NXPE2: variants seen among roughly 807,000 people sequenced by gnomAD.
NXPE2 encodes the protein NXPE family member 2.
NXPE2 carries 34 observed loss-of-function variants against 34.4 expected under a neutral mutation model. The ratio of observed to expected loss-of-function variants is 0.99; its 90% CI spans 0.75 to 1.31. The LOEUF (loss-of-function observed/expected upper bound fraction) is 1.31, where lower values mean the gene tolerates loss of function less well. NXPE2 is among the 40% of genes most tolerant of loss of function. The pLI, the probability that NXPE2 is intolerant of heterozygous loss-of-function variation, is 0.00. For synonymous variants in NXPE2, 235 were observed against 231.3 expected (o/e 1.02, Z -0.15); for missense variants, 649 against 672.5 (o/e 0.97, Z 0.39).
chr11:114,747,161 T>A, the NXPE2 span, among the ~76,000 whole-genome samples: 140,858 of 152,218 alleles, frequency 0.93, 66,178 homozygotes, highest in East Asian at 1. Context: ...ATTATACTAC[T>A]GTAATGAACA....
At chr11:114,600,378 C>A in the NXPE2 span, among the ~76,000 whole-genome samples, 1 of 152,024 alleles carries the variant, frequency 6.6e-6, no homozygotes, top group Non-Finnish European at 1.5e-5. Flanking sequence ...CATGAAATGA[C>A]CCATTTTCCT....
rs1186897091 is a variant in NXPE2, at chr11:114,684,305, T to G, written c.132+4543T>G. ...AGCTGGGCGTGGTGGTGGGCGCCTG[T>G]AGTCCCAGCTACTCGGGAGTCTGAG... On this transcript the variant is annotated intron_variant, in intron 2 of 5. Coordinates refer to ENST00000389586, the MANE Select transcript of NXPE2 (RefSeq NM_182495.6). Among the ~76,000 whole-genome samples, 3 of 151,876 alleles carry G rather than the reference T, an allele frequency of 2.0e-5. No individual in the cohort carries two copies. The East Asian group carries it at 5.8e-4, about 29-fold the overall frequency.
chr11:114,603,722 T>G, the NXPE2 span, among the ~76,000 whole-genome samples: 1,544 of 146,912 alleles, frequency 0.011, 22 homozygotes, highest in African/African-American at 0.037. Flanking sequence ...CGTCTCCTAG[T>G]TAACTCCTAT....
the NXPE2 span, among the ~76,000 whole-genome samples, chr11:114,810,486 A>C: frequency 1.3e-5 from 2 of 150,088 alleles, no homozygotes; most frequent in Non-Finnish European, 3.0e-5. Flanking sequence ...AACTCAAACA[A>C]ATTTACAAGA....
chr11:114,495,674 T>G, the NXPE2 span, among the ~76,000 whole-genome samples: 1 of 152,160 alleles, frequency 6.6e-6, no homozygotes, highest in Non-Finnish European at 1.5e-5. Context: ...AAGTGAGTAC[T>G]GCCTGACTAC....
At chr11:114,670,113 A>G in the NXPE2 span, among the ~76,000 whole-genome samples, 1 of 152,066 alleles carries the variant, frequency 6.6e-6, no homozygotes, top group Admixed American at 6.6e-5. Context: ...AAAGGAGTCT[A>G]TATTTAATTT....
chr11:114,733,939 C>A, the NXPE2 span, among the ~76,000 whole-genome samples: 21 of 152,128 alleles, frequency 1.4e-4, no homozygotes, highest in Non-Finnish European at 2.5e-4. Flanking sequence ...CACTGGTGTA[C>A]CTTTTTGTGT....
chr11:114,769,836 A>G, the NXPE2 span, among the ~76,000 whole-genome samples: 1 of 152,208 alleles, frequency 6.6e-6, no homozygotes, highest in Non-Finnish European at 1.5e-5. Flanking sequence ...GGGAAGGGAT[A>G]ACATTAGGAG....
the NXPE2 span, among the ~76,000 whole-genome samples, chr11:114,556,405 T>G: frequency 6.6e-6 from 1 of 152,114 alleles, no homozygotes; most frequent in Non-Finnish European, 1.5e-5. Flanking sequence ...CAGGGATCAG[T>G]CAAAGATTTG....
the NXPE2 span, among the ~76,000 whole-genome samples, chr11:114,784,331 T>G: frequency 1.3e-5 from 2 of 152,184 alleles, no homozygotes; most frequent in Non-Finnish European, 2.9e-5. Context: ...CATTTTTTTT[T>G]CCTTTCCTGG....
the NXPE2 span, among the ~76,000 whole-genome samples, chr11:114,805,000 ATCT>A: frequency 3.9e-5 from 6 of 152,058 alleles, no homozygotes; most frequent in Admixed American, 6.6e-5. Flanking sequence ...GTATATTTCT[ATCT>A]TCTTCTTCTT....
At chr11:114,608,729 G>C in the NXPE2 span, among the ~76,000 whole-genome samples, 3 of 151,594 alleles carry the variant, frequency 2.0e-5, no homozygotes, top group Admixed American at 1.3e-4. Context: ...ACTGCCTCGT[G>C]GGTAACCACT....
chr11:114,689,789 T>A (rs1164319656), intron 2 of NXPE2, among the ~76,000 whole-genome samples: 1 of 152,168 alleles, frequency 6.6e-6, no homozygotes, highest in Non-Finnish European at 1.5e-5. Flanking sequence ...GGTGGATGCA[T>A]ATATATTTAG....
chr11:114,616,811 T>C, the NXPE2 span, among the ~76,000 whole-genome samples: 1 of 151,814 alleles, frequency 6.6e-6, no homozygotes, highest in Non-Finnish European at 1.5e-5. Context: ...ATAATAAGTG[T>C]TGCCTCGTTG....
At chr11:114,490,491 T>C in the NXPE2 span, among the ~76,000 whole-genome samples, 8 of 152,284 alleles carry the variant, frequency 5.3e-5, no homozygotes, top group Middle Eastern at 3.4e-3. Flanking sequence ...ATGGTACTGA[T>C]ACCAAAACAG....
the NXPE2 span, chr11:114,584,202 A>G: frequency 2.7e-6 from 1 of 366,148 alleles, no homozygotes; most frequent in East Asian, 7.9e-5. Flanking sequence ...AATAAGAAAG[A>G]GCTGTGGCTC....
chr11:114,469,400 A>G, the NXPE2 span, among the ~76,000 whole-genome samples: 2,652 of 151,646 alleles, frequency 0.017, 74 homozygotes, highest in African/African-American at 0.062. Context: ...GGTGTGAGCC[A>G]CCGCGCCTTG....
downstream of NXPE2, chr11:114,707,250 C>G (rs1591448241): frequency 3.2e-6 from 1 of 311,194 alleles, no homozygotes; most frequent in East Asian, 9.3e-5. Flanking sequence ...CACCACCATG[C>G]CAAGCTGATT....
chr11:114,524,943 T>C, the NXPE2 span, among the ~76,000 whole-genome samples: 1 of 152,188 alleles, frequency 6.6e-6, no homozygotes, highest in African/African-American at 2.4e-5. Flanking sequence ...TGTTGGCTCC[T>C]GATTAACCCC....
Sources: allele counts gnomAD v4.1 joint callset (sites outside exome capture counted in the v4.1 genomes callset), GRCh38; gene constraint gnomAD v4.1.1; transcripts MANE v1.5; gene names NCBI Gene and HGNC (gene_info 2026-07-23, HGNC 2026-07-21).